The following UNK variants were observed in gnomAD, a reference collection of about 807,000 sequenced individuals.
UNK encodes RING finger protein unkempt homolog.
UNK carries 32 observed loss-of-function variants against 97.6 expected under a neutral mutation model. That is an observed-to-expected ratio of 0.33 (90% CI 0.25 to 0.44). The LOEUF (loss-of-function observed/expected upper bound fraction) is 0.44. Ranked by LOEUF, UNK falls within the 20% of genes least tolerant of loss-of-function variation. The pLI, the probability that UNK is intolerant of heterozygous loss-of-function variation, is 1.00. For synonymous variants in UNK, 441 were observed against 461.2 expected, an observed-to-expected ratio of 0.96 and a Z score of 0.56; for missense variants, 771 against 1,098.4, an observed-to-expected ratio of 0.70 and a Z score of 4.21.
At chr17:75,789,587 C>T (rs530312315) in intron 1 of UNK, among the ~76,000 whole-genome samples, 21 of 152,268 alleles carry the variant, frequency 1.4e-4, no homozygotes, top group African/African-American at 3.4e-4. Context: ...CTGCCCGTCT[C>T]GGCCTCCCAA....
At chr17:75,787,405 C>CATG (rs994182049) in intron 1 of UNK, among the ~76,000 whole-genome samples, 1 of 151,554 alleles carries the variant, frequency 6.6e-6, no homozygotes, top group Non-Finnish European at 1.5e-5. Flanking sequence ...GTGATTTTGC[C>CATG]ATGTTGCCCA....
intron 1 of UNK, among the ~76,000 whole-genome samples, chr17:75,801,582 T>G (rs2061858342): frequency 6.6e-6 from 1 of 152,102 alleles, no homozygotes; most frequent in Non-Finnish European, 1.5e-5. Flanking sequence ...GAGATCACTC[T>G]GTCGCCCAGG....
In UNK at chr17:75,784,994, G is replaced by T. The variant is rs1257219698; in HGVS notation, c.104+10G>T. On this transcript the variant is annotated intron_variant, in intron 1 of 15. Transcript: ENST00000589666. ...AACCGCAGCACTACACGTACGTAGAGCCCCCCCCCCCCCGCCGCGCGCGCA... is the reference window on the plus strand; with the variant it reads ...AACCGCAGCACTACACGTACGTAGATCCCCCCCCCCCCCGCCGCGCGCGCA... 1.0e-6 allele frequency: 1 copy of T among 987,888 alleles called. No homozygotes were observed. The highest frequency in any genetic ancestry group is 1.3e-6 in the Non-Finnish European group (1 of 751,930). 61.2% of individuals were successfully genotyped at this position (987,888 alleles called of 1,614,324 possible). A position where few individuals can be genotyped will look rare whatever the true frequency, so the allele number is the denominator to read the frequency against.
chr17:75,801,697 C>A (rs1346264540), intron 1 of UNK, among the ~76,000 whole-genome samples: 1 of 151,894 alleles, frequency 6.6e-6, no homozygotes, highest in Non-Finnish European at 1.5e-5. Flanking sequence ...CAGGCGCCCG[C>A]CACCACACCT....
Position 75,823,304 on chromosome 17 carries a change from G to A in UNK, c.2059G>A (p.Glu687Lys). The A allele has an allele frequency of 1.2e-6, 2 of 1,608,748 alleles. No homozygotes were observed. The highest frequency in any genetic ancestry group is 1.1e-5 in the South Asian group (1 of 90,840). Residue 687 changes from glutamate to lysine, a missense_variant, in exon 15 of 16, where the codon GAG becomes AAG. Glu to Lys is a moderately conservative substitution (Grantham distance 56). Coordinates refer to ENST00000589666, the MANE Select transcript of UNK (RefSeq NM_001080419.3). The part of the protein sequence containing the change: ...AWKKEAEEAG[E>K]RASAAGAECE... ...GAAGAAAGAGGCGGAGGAGGCTGGTGAGCGGGCCAGTGCGGCGGGCGCCGA... is the reference window on the plus strand; with the variant it reads ...GAAGAAAGAGGCGGAGGAGGCTGGTAAGCGGGCCAGTGCGGCGGGCGCCGA...
At chr17:75,803,957 A>G (rs2061887058) in intron 1 of UNK, among the ~76,000 whole-genome samples, 1 of 152,252 alleles carries the variant, frequency 6.6e-6, no homozygotes, top group Non-Finnish European at 1.5e-5. Context: ...TGCTTATGCA[A>G]ACCCTATGCT....
In UNK at chr17:75,818,532, C is replaced by T. The variant is rs2062037122; in HGVS notation, c.1372-110C>T. The T allele has an allele frequency of 7.7e-7, 1 of 1,298,662 alleles. No individual in the cohort carries two copies. Among genetic ancestry groups the T allele is most frequent in the Non-Finnish European group, 1.0e-6 (1 of 962,284 alleles). 80.4% of individuals were successfully genotyped at this position (1,298,662 alleles called of 1,614,324 possible). Reference sequence around the variant, plus strand: ...CCATGTGGGCATGGGGGCACCCGGACTAGAGCTAGCACGGGCCATTTCCCT... The same window carrying T: ...CCATGTGGGCATGGGGGCACCCGGATTAGAGCTAGCACGGGCCATTTCCCT... On this transcript the variant is annotated intron_variant, in intron 10 of 15. Coordinates refer to ENST00000589666, the MANE Select transcript of UNK (RefSeq NM_001080419.3). This position sits in a 1 kb window ranked among gnomAD's most constrained non-coding sequence, Gnocchi z 5.1.
chr17:75,819,374 C>T lies in UNK; in HGVS notation c.1547-310C>T, dbSNP rs1243612603. On this transcript the variant is annotated intron_variant, in intron 11 of 15. Coordinates refer to ENST00000589666, the MANE Select transcript of UNK (RefSeq NM_001080419.3). This position sits in a 1 kb window ranked among gnomAD's most constrained non-coding sequence, Gnocchi z 5.4. ...CCCCACTGATCCCGGGGCTGAGACC[C>T]TTGAGTTGTAACATCAGGGGACAAG... 3 of 416,724 alleles carry T rather than the reference C, an allele frequency of 7.2e-6. No individual in the cohort carries two copies. Among genetic ancestry groups the T allele is most frequent in the African/African-American group, 6.1e-5 (3 of 49,284 alleles). 25.8% of individuals were successfully genotyped at this position (416,724 alleles called of 1,614,324 possible).
At chr17:75,806,378 G>C (rs2061916852) in intron 1 of UNK, among the ~76,000 whole-genome samples, 1 of 151,986 alleles carries the variant, frequency 6.6e-6, no homozygotes, top group Non-Finnish European at 1.5e-5. Context: ...AGAATTGCTT[G>C]AACCTGGGAG....
chr17:75,819,847 C>A lies in UNK; in HGVS notation c.1648+62C>A. ...TCCTCGGGTTCCTGCCTGGCTCAGG[C>A]CCCTTGCTCTGTGTGGCCCGCCTGG... is the stretch of plus-strand genomic sequence containing the variant. On this transcript the variant is annotated intron_variant, in intron 12 of 15. Transcript: ENST00000589666. The surrounding 1 kb of genome is among the most constrained non-coding windows in gnomAD (Gnocchi z 5.4). The A allele has an allele frequency of 6.2e-7, 1 of 1,608,222 alleles. No individual in the cohort carries two copies. The highest frequency in any genetic ancestry group is 8.5e-7 in the Non-Finnish European group (1 of 1,176,886).
At chr17:75,797,742 T>C (rs947372386) in intron 1 of UNK, among the ~76,000 whole-genome samples, 1 of 152,176 alleles carries the variant, frequency 6.6e-6, no homozygotes, top group African/African-American at 2.4e-5. Context: ...CCGCTCCATC[T>C]TGAAAACTCA....
intron 1 of UNK, among the ~76,000 whole-genome samples, chr17:75,805,810 A>ATG (rs61000364): frequency 0.032 from 4,723 of 145,342 alleles, 78 homozygotes; most frequent in East Asian, 0.078. Context: ...AAAAAGAAAA[A>ATG]TGTGTGTGTG....
chr17:75,814,725 G>A lies in UNK; in HGVS notation c.877-444G>A, dbSNP rs533628118. Among the ~76,000 whole-genome samples the A allele has an allele frequency of 2.8e-4, 42 of 152,324 alleles. No homozygotes were observed. The East Asian group carries it at 6.8e-3, about 25-fold the overall frequency. Reference sequence around the variant, plus strand: ...AGCCAGGACACCCTGAGGTAGACACGCGGACAGAAACTACCTTATGTAGCT... The same window carrying A: ...AGCCAGGACACCCTGAGGTAGACACACGGACAGAAACTACCTTATGTAGCT... On this transcript the variant is annotated intron_variant, in intron 6 of 15. Coordinates refer to ENST00000589666, the MANE Select transcript of UNK (RefSeq NM_001080419.3).
rs556620461 is a variant in UNK, at chr17:75,823,318, G to A, written c.2073G>A (p.Ala691=). The part of the protein sequence containing the change: ...EAEEAGERAS[A]AGAECELARE... ...AGGAGGCTGGTGAGCGGGCCAGTGC[G>A]GCGGGCGCCGAGTGCGAGCTGGCCC... Residue 691 remains alanine, a synonymous_variant, in exon 15 of 16, where the codon GCG becomes GCA. Transcript: ENST00000589666. 1.7e-5 allele frequency: 27 copies of A among 1,610,574 alleles called. No homozygotes were observed. Among genetic ancestry groups the A allele is most frequent in the Middle Eastern group, 3.4e-4 (2 of 5,842 alleles).
Position 75,813,845 on chromosome 17 carries a change from C to A in UNK, c.843C>A (p.Cys281Ter). The A allele has an allele frequency of 6.3e-7, 1 of 1,598,620 alleles. No homozygotes were observed. The highest frequency in any genetic ancestry group is 8.5e-7 in the Non-Finnish European group (1 of 1,173,062). ...KCENGDACQY[C>*]HTRTEQQFHP... ...AGAACGGAGACGCCTGCCAGTACTG[C>A]CACACCCGCACCGAGCAGCAGTTCC... is the stretch of plus-strand genomic sequence containing the variant. Residue 281 changes from cysteine to a stop codon, truncating the protein, a stop_gained, in exon 6 of 16, where the codon TGC becomes TGA. Coordinates refer to ENST00000589666, the MANE Select transcript of UNK (RefSeq NM_001080419.3). LOFTEE classifies it high-confidence loss of function.
chr17:75,802,735 G>A (rs2061872663), intron 1 of UNK, among the ~76,000 whole-genome samples: 1 of 152,206 alleles, frequency 6.6e-6, no homozygotes, highest in African/African-American at 2.4e-5. Flanking sequence ...CTGGAGAAGT[G>A]TGTCCAGATA....
At chr17:75,797,969 A>G (rs916685835) in intron 1 of UNK, among the ~76,000 whole-genome samples, 3 of 152,066 alleles carry the variant, frequency 2.0e-5, no homozygotes, top group African/African-American at 7.3e-5. Context: ...TCTGTACTCA[A>G]ATCTGTAGGT....
At position 75,823,501 on chromosome 17, in the gene UNK, C is replaced by A; in HGVS notation, c.2256C>A (p.Ala752=). 1.3e-6 allele frequency: 2 copies of A among 1,563,654 alleles called. No homozygotes were observed. Among genetic ancestry groups the A allele is most frequent in the Non-Finnish European group, 1.7e-6 (2 of 1,148,822 alleles). Reference sequence around the variant, plus strand: ...ACTCCCTCCAGAAACAACTGCGGGCCCACCTGGAACAAGTGGACAAGGTCA... The same window carrying A: ...ACTCCCTCCAGAAACAACTGCGGGCACACCTGGAACAAGTGGACAAGGTCA... ...TLYSLQKQLR[A]HLEQVDKAVF... The change falls in exon 15 of 16, where the codon GCC becomes GCA. Residue 752 remains alanine (A), a synonymous_variant. Coordinates refer to ENST00000589666, the MANE Select transcript of UNK (RefSeq NM_001080419.3).
At chr17:75,807,207 T>C (rs1249186227) in intron 1 of UNK, among the ~76,000 whole-genome samples, 1 of 152,168 alleles carries the variant, frequency 6.6e-6, no homozygotes, top group Non-Finnish European at 1.5e-5. Context: ...CTCTTAGAAC[T>C]ACCAGGTTTA....
Sources: allele counts gnomAD v4.1 joint callset (sites outside exome capture counted in the v4.1 genomes callset), GRCh38; gene constraint gnomAD v4.1.1; non-coding constraint Gnocchi (gnomAD v3.1); transcripts MANE v1.5; gene names NCBI Gene and HGNC (gene_info 2026-07-23, HGNC 2026-07-21).